The following STX8 variants were observed in gnomAD, a reference collection of about 807,000 sequenced individuals.
The protein encoded by STX8 is syntaxin 8, also known as syntaxin-8.
STX8 carries 23 observed loss-of-function variants against 37.5 expected under a neutral mutation model. The ratio of observed to expected loss-of-function variants is 0.61; its 90% CI spans 0.44 to 0.87. The LOEUF is 0.87. STX8 is among the 40% of genes least tolerant of loss of function. The probability of loss-of-function intolerance (pLI) is 0.00; values close to 1 mark genes in which losing one functional copy is unlikely to be tolerated. For missense variants in STX8, 313 were observed against 284.7 expected, an observed-to-expected ratio of 1.10 and a Z score of -0.71; for synonymous variants, 115 against 99.1, an observed-to-expected ratio of 1.16 and a Z score of -0.95.
intron 6 of STX8, among the ~76,000 whole-genome samples, chr17:9,455,405 C>T (rs1000075634): frequency 1.3e-5 from 2 of 151,582 alleles, no homozygotes; most frequent in South Asian, 4.2e-4. Flanking sequence ...GACACTGAGG[C>T]AGGAAAATCG....
intron 7 of STX8, among the ~76,000 whole-genome samples, chr17:9,299,973 ATG>A (rs781472256): frequency 3.3e-5 from 5 of 152,228 alleles, no homozygotes; most frequent in African/African-American, 4.8e-5. Flanking sequence ...TAGGCAGGGC[ATG>A]AACATCAATC....
intron 6 of STX8, among the ~76,000 whole-genome samples, chr17:9,445,570 G>T (rs1346950224): frequency 6.7e-6 from 1 of 148,502 alleles, no homozygotes; most frequent in Non-Finnish European, 1.5e-5. Context: ...CACCACGCAA[G>T]CGGGGAAGGC....
At position 9,418,552 on chromosome 17, in the gene STX8, G is replaced by A. The variant is rs563853026; in HGVS notation, c.542-39899C>T. 4.4e-4 allele frequency among the ~76,000 whole-genome samples: 67 copies of A among 151,554 alleles called. 1 individual carries two copies. In the East Asian group the frequency reaches 5.8e-3, roughly 13 times the overall value. ...AAAAACAAAAAAAAAAACAAGGCTGGGTGCAGTGGCTCACGCCTGTAATCC... is the reference window on the plus strand; with the variant it reads ...AAAAACAAAAAAAAAAACAAGGCTGAGTGCAGTGGCTCACGCCTGTAATCC... On this transcript the variant is annotated intron_variant, in intron 6 of 7. Coordinates refer to ENST00000306357, the MANE Select transcript of STX8 (RefSeq NM_004853.3).
chr17:9,313,096 C>T (rs1909249431), intron 7 of STX8, among the ~76,000 whole-genome samples: 1 of 152,048 alleles, frequency 6.6e-6, no homozygotes, highest in South Asian at 2.1e-4. Flanking sequence ...GAGACTGAGA[C>T]AGGAGAATCA....
At chr17:9,387,480 G>A (rs981541993) in intron 6 of STX8, among the ~76,000 whole-genome samples, 5 of 152,172 alleles carry the variant, frequency 3.3e-5, no homozygotes, top group African/African-American at 1.2e-4. Flanking sequence ...ATTTTTAGTA[G>A]ACACGGGTTT....
intron 7 of STX8, among the ~76,000 whole-genome samples, chr17:9,320,382 T>C (rs916978017): frequency 2.0e-5 from 3 of 151,094 alleles, no homozygotes; most frequent in African/African-American, 4.9e-5. Context: ...AAACATGGCA[T>C]GGTTTGAAAC....
intron 6 of STX8, among the ~76,000 whole-genome samples, chr17:9,401,936 T>G (rs542523208): frequency 1.3e-5 from 2 of 152,264 alleles, no homozygotes; most frequent in African/African-American, 4.8e-5. Flanking sequence ...CATATTTTTT[T>G]AGGTGCGTTT....
chr17:9,460,066 C>T (rs753521210), intron 6 of STX8, among the ~76,000 whole-genome samples: 1 of 152,164 alleles, frequency 6.6e-6, no homozygotes, highest in African/African-American at 2.4e-5. Flanking sequence ...GAGACAATGG[C>T]TTCATAAAGG....
chr17:9,424,473 T>C (rs563055056), intron 6 of STX8, among the ~76,000 whole-genome samples: 202 of 152,150 alleles, frequency 1.3e-3, no homozygotes, highest in African/African-American at 4.6e-3. Context: ...AGGCCCTCTC[T>C]CTGCCTGGGG....
In STX8 at chr17:9,345,883, C is replaced by T. The variant is rs1377959361; in HGVS notation, c.643+32669G>A. Among the ~76,000 whole-genome samples, 4 of 47,160 alleles carry T rather than the reference C, an allele frequency of 8.5e-5. No homozygotes were observed. The Admixed American group carries it at 9.8e-4, about 12-fold the overall frequency. The allele number at this position is 47,160 out of a possible 152,430, so 30.9% of individuals were successfully genotyped here. On this transcript the variant is annotated intron_variant, in intron 7 of 7. Transcript: ENST00000306357. ...TTTTTTTTTTTGAGATGGAGTTTCA[C>T]TCTTGTTGCCCAGACTGGAGTGCAG...
intron 7 of STX8, among the ~76,000 whole-genome samples, chr17:9,251,112 T>C (rs546545152): frequency 1.6e-3 from 237 of 152,352 alleles, no homozygotes; most frequent in African/African-American, 5.5e-3. Flanking sequence ...AAGTCACCCA[T>C]TTGTAAAAAT....
chr17:9,329,728 C>T (rs1017437765), intron 7 of STX8, among the ~76,000 whole-genome samples: 2 of 152,190 alleles, frequency 1.3e-5, no homozygotes, highest in Admixed American at 6.5e-5. Context: ...CCAAAGTGAG[C>T]GGTAGGAGCC....
At chr17:9,379,481 G>C (rs1911719348) in intron 6 of STX8, among the ~76,000 whole-genome samples, 2 of 152,088 alleles carry the variant, frequency 1.3e-5, no homozygotes, top group African/African-American at 2.4e-5. Flanking sequence ...TGAAAAATTA[G>C]TCAGTGGTTG....
chr17:9,327,203 A>G (rs1268582964), intron 7 of STX8, among the ~76,000 whole-genome samples: 4 of 147,956 alleles, frequency 2.7e-5, no homozygotes, highest in African/African-American at 5.1e-5. Context: ...GGAAGAAGGA[A>G]GAAGGAGGAA....
At chr17:9,254,873 A>C (rs1906729351) in intron 7 of STX8, among the ~76,000 whole-genome samples, 1 of 152,138 alleles carries the variant, frequency 6.6e-6, no homozygotes, top group African/African-American at 2.4e-5. Flanking sequence ...GTGTGTATAA[A>C]ACAAATGAGT....
intron 6 of STX8, among the ~76,000 whole-genome samples, chr17:9,449,456 C>T (rs9902710): frequency 0.04 from 6,064 of 152,136 alleles, 393 homozygotes; most frequent in African/African-American, 0.14. Flanking sequence ...GCTACTCGGG[C>T]GGCTGAGGCA....
intron 7 of STX8, among the ~76,000 whole-genome samples, chr17:9,307,708 C>T (rs1025015304): frequency 2.0e-5 from 3 of 152,106 alleles, no homozygotes; most frequent in Admixed American, 6.5e-5. Flanking sequence ...GGCACTTTGG[C>T]ATGCTGAGTA....
At chr17:9,440,717 G>T (rs1352381526) in intron 6 of STX8, among the ~76,000 whole-genome samples, 1 of 152,036 alleles carries the variant, frequency 6.6e-6, no homozygotes, top group Non-Finnish European at 1.5e-5. Flanking sequence ...TAGAGACAGG[G>T]TTTTGCCATG....
intron 3 of STX8, among the ~76,000 whole-genome samples, chr17:9,550,413 C>T (rs1443281325): frequency 1.3e-5 from 2 of 151,234 alleles, no homozygotes; most frequent in Non-Finnish European, 2.9e-5. Flanking sequence ...ATAGCCAATT[C>T]ATGGATATGT....
Sources: allele counts gnomAD v4.1 joint callset (sites outside exome capture counted in the v4.1 genomes callset), GRCh38; gene constraint gnomAD v4.1.1; transcripts MANE v1.5; gene names NCBI Gene and HGNC (gene_info 2026-07-23, HGNC 2026-07-21).